Variants in HNRNPF observed in about 807,000 individuals in gnomAD.
HNRNPF encodes the protein HnRNP F protein.
In HNRNPF, 2 loss-of-function variants were observed where a neutral mutation model predicts 26.0. That is an observed-to-expected ratio of 0.08 (90% CI 0.03 to 0.24). The LOEUF (loss-of-function observed/expected upper bound fraction) is 0.24, where lower values mean the gene tolerates loss of function less well. HNRNPF is among the 10% of genes least tolerant of loss of function. The pLI, the probability that HNRNPF is intolerant of heterozygous loss-of-function variation, is 1.00. For synonymous variants in HNRNPF, 234 were observed against 211.5 expected (o/e 1.11, Z -0.92); for missense variants, 299 against 539.2 (o/e 0.55, Z 4.41).
chr10:43,403,926 A>G (rs1166851131), intron 1 of HNRNPF, among the ~76,000 whole-genome samples: 1 of 151,958 alleles, frequency 6.6e-6, no homozygotes, highest in Non-Finnish European at 1.5e-5. Flanking sequence ...CAGGAGGTTG[A>G]GGCTGCAGTG....
intron 3 of HNRNPF, among the ~76,000 whole-genome samples, chr10:43,393,073 C>T (rs572441662): frequency 2.6e-5 from 4 of 152,202 alleles, no homozygotes; most frequent in Non-Finnish European, 5.9e-5. Context: ...GTATCCTCAT[C>T]CCTAAATCCT....
chr10:43,390,436 T>A (rs1350763467), intron 3 of HNRNPF, among the ~76,000 whole-genome samples: 1 of 152,090 alleles, frequency 6.6e-6, no homozygotes, highest in Non-Finnish European at 1.5e-5. Flanking sequence ...CATAATCCAC[T>A]AACCATTTTC....
intron 3 of HNRNPF, among the ~76,000 whole-genome samples, chr10:43,391,928 C>T (rs1838265669): frequency 6.6e-6 from 1 of 152,186 alleles, no homozygotes; most frequent in South Asian, 2.1e-4. Flanking sequence ...TCTACTGTCA[C>T]TTCCACTCCC....
At chr10:43,406,169 GT>G (rs1379720361) in intron 1 of HNRNPF, among the ~76,000 whole-genome samples, 1 of 152,208 alleles carries the variant, frequency 6.6e-6, no homozygotes, top group African/African-American at 2.4e-5. Context: ...CCAGAGCTCA[GT>G]GGGGGAGAGG....
chr10:43,399,272 G>A (rs1035318884), intron 1 of HNRNPF, among the ~76,000 whole-genome samples: 1 of 151,808 alleles, frequency 6.6e-6, no homozygotes, highest in African/African-American at 2.4e-5. Flanking sequence ...TTTTTTAGTA[G>A]AGGCAAGGTC....
chr10:43,396,892 G>GGGGGAGGGGGGGGGA (rs1838552618), intron 1 of HNRNPF: 2 of 104,552 alleles, frequency 1.9e-5, no homozygotes, highest in Non-Finnish European at 3.9e-5. Flanking sequence ...CCTCGCGGGA[G>GGGGGAGGGGGGGGGA]GGGGAGGGGA....
intron 1 of HNRNPF, chr10:43,396,960 A>G (rs1588994981): frequency 7.4e-6 from 1 of 135,994 alleles, no homozygotes; most frequent in Admixed American, 7.3e-5. Flanking sequence ...GGCGAGAGCG[A>G]GGGCGACGGC....
chr10:43,393,870 G>C (rs1050966997), intron 3 of HNRNPF, among the ~76,000 whole-genome samples: 7 of 152,164 alleles, frequency 4.6e-5, no homozygotes, highest in Non-Finnish European at 1.0e-4. Context: ...GCACATAGTT[G>C]ACACTCATGG....
At chr10:43,405,453 G>A (rs1010214279) in intron 1 of HNRNPF, among the ~76,000 whole-genome samples, 1 of 151,870 alleles carries the variant, frequency 6.6e-6, no homozygotes, top group African/African-American at 2.4e-5. Flanking sequence ...TCAGGAGATC[G>A]AGACCATCCC....
chr10:43,389,959 T>C (rs1430625235), intron 3 of HNRNPF, among the ~76,000 whole-genome samples: 2 of 152,170 alleles, frequency 1.3e-5, no homozygotes, highest in African/African-American at 2.4e-5. Flanking sequence ...TGGGCATAAA[T>C]AATCCTATCC....
In HNRNPF at chr10:43,387,672, C is replaced by G. The variant is rs1158991939; in HGVS notation, c.213G>C (p.Leu71=). 6.2e-7 allele frequency: 1 copy of G among 1,613,992 alleles called. No individual in the cohort carries two copies. Among genetic ancestry groups the G allele is most frequent in the Non-Finnish European group, 8.5e-7 (1 of 1,180,040 alleles). Residue 71 remains leucine, a synonymous_variant, in exon 4 of 4, where the codon CTG becomes CTC. Coordinates refer to ENST00000682386, the MANE Select transcript of HNRNPF (RefSeq NM_001098204.2). This position sits in a 1 kb window ranked among gnomAD's most constrained non-coding sequence, Gnocchi z 6.0. ...LGSEDDVKMA[L]KKDRESMGHR... is the part of the protein sequence containing the mutation. ...GTCCCATGCTTTCCCTGTCTTTTTT[C>G]AGGGCCATTTTTACATCATCTTCTG...
At chr10:43,405,061 T>C (rs1838870993) in intron 1 of HNRNPF, among the ~76,000 whole-genome samples, 1 of 152,206 alleles carries the variant, frequency 6.6e-6, no homozygotes, top group East Asian at 1.9e-4. Context: ...TTGAAATGTG[T>C]AAGTGTAAAA....
At chr10:43,401,734 A>G (rs545442984) in intron 1 of HNRNPF, among the ~76,000 whole-genome samples, 1 of 152,346 alleles carries the variant, frequency 6.6e-6, no homozygotes, top group South Asian at 2.1e-4. Flanking sequence ...AAATAGGTGC[A>G]TAGTCAAACC....
In HNRNPF at chr10:43,386,332, G is replaced by T; in HGVS notation, c.*305C>A. 4.0e-6 allele frequency: 1 copy of T among 251,788 alleles called. No individual in the cohort carries two copies. The highest frequency in any genetic ancestry group is 8.7e-5 in the East Asian group (1 of 11,530). 15.6% of individuals were successfully genotyped at this position (251,788 alleles called of 1,614,324 possible). A position where few individuals can be genotyped will look rare whatever the true frequency, so the allele number is the denominator to read the frequency against. ...AGCACGTCTCCCCAGTGTGTTCACT[G>T]TGATGTGGTGTAAAAGATCCACATT... On this transcript the variant is annotated 3_prime_UTR_variant, in exon 4 of 4. Coordinates refer to ENST00000682386, the MANE Select transcript of HNRNPF (RefSeq NM_001098204.2).
At chr10:43,392,412 G>A (rs976184406) in intron 3 of HNRNPF, among the ~76,000 whole-genome samples, 4 of 152,066 alleles carry the variant, frequency 2.6e-5, no homozygotes, top group East Asian at 1.9e-4. Flanking sequence ...CGTGGCGGGC[G>A]CCAGTAATCC....
chr10:43,388,966 ATTT>A (rs141503011), intron 3 of HNRNPF, among the ~76,000 whole-genome samples: 6,454 of 127,026 alleles, frequency 0.051, 437 homozygotes, highest in African/African-American at 0.19. Context: ...AGTATATGGA[ATTT>A]TTTTTTTTTT....
At chr10:43,393,558 T>C (rs529532142) in intron 3 of HNRNPF, among the ~76,000 whole-genome samples, 3 of 151,394 alleles carry the variant, frequency 2.0e-5, no homozygotes, top group Non-Finnish European at 4.4e-5. Flanking sequence ...GTCGCGTCAC[T>C]GCACTCCAGC....
intron 1 of HNRNPF, among the ~76,000 whole-genome samples, chr10:43,397,645 A>T (rs1386167746): frequency 6.6e-6 from 1 of 152,210 alleles, no homozygotes; most frequent in Non-Finnish European, 1.5e-5. Flanking sequence ...TTGAAAAAAA[A>T]TCTTTGAAAA....
intron 1 of HNRNPF, chr10:43,407,881 T>G (rs539556178): frequency 1.3e-5 from 2 of 152,286 alleles, no homozygotes; most frequent in East Asian, 3.9e-4. Flanking sequence ...CTCAGGCGCC[T>G]GCAGCCACGT....
Sources: gnomAD v4.1 joint callset for allele counts (sites outside exome capture counted in the v4.1 genomes callset) on GRCh38, gnomAD v4.1.1 for gene constraint, Gnocchi (gnomAD v3.1) non-coding constraint, MANE v1.5 for transcripts, NCBI Gene and HGNC (gene_info 2026-07-23, HGNC 2026-07-21) for gene names.